Variants in CFAP299 observed in about 807,000 individuals in gnomAD.
The protein encoded by CFAP299 is cilia and flagella associated protein 299.
In CFAP299, 21 loss-of-function variants were observed where a neutral mutation model predicts 27.0. The ratio of observed to expected loss-of-function variants is 0.78; its 90% CI spans 0.55 to 1.12. The LOEUF is 1.12. Ranked by LOEUF, CFAP299 falls within the 50% of genes most tolerant of loss-of-function variation. CFAP299 has a pLI of 0.00. For missense variants in CFAP299, 310 were observed against 276.6 expected (o/e 1.12, Z -0.86); for synonymous variants, 104 against 98.1 (o/e 1.06, Z -0.36).
intron 2 of CFAP299, among the ~76,000 whole-genome samples, chr4:80,547,894 T>G (rs1442703411): frequency 6.6e-6 from 1 of 152,130 alleles, no homozygotes; most frequent in Non-Finnish European, 1.5e-5. Flanking sequence ...GGCAAGGTTG[T>G]GAAGAAAAGG....
chr4:80,516,266 C>G (rs1732585101), intron 2 of CFAP299, among the ~76,000 whole-genome samples: 1 of 152,034 alleles, frequency 6.6e-6, no homozygotes, highest in Non-Finnish European at 1.5e-5. Flanking sequence ...GGTAATCCTC[C>G]CACCTCAACC....
intron 3 of CFAP299, among the ~76,000 whole-genome samples, chr4:80,653,454 C>CA (rs1250731997): frequency 6.6e-6 from 1 of 151,964 alleles, no homozygotes; most frequent in Non-Finnish European, 1.5e-5. Context: ...GTCATCTACT[C>CA]AAATATGCTT....
At chr4:80,603,476 C>T (rs10033938) in intron 3 of CFAP299, among the ~76,000 whole-genome samples, 141,460 of 152,234 alleles carry the variant, frequency 0.93, 65,790 homozygotes, top group East Asian at 1. Context: ...ATAGCTATCG[C>T]TGAGTGCTGA....
chr4:80,389,539 G>A (rs897616596), intron 2 of CFAP299, among the ~76,000 whole-genome samples: 2 of 152,138 alleles, frequency 1.3e-5, no homozygotes, highest in African/African-American at 4.8e-5. Flanking sequence ...TATTTGAGGA[G>A]TAAATTAAAA....
chr4:80,420,625 C>A (rs1727245992), intron 2 of CFAP299, among the ~76,000 whole-genome samples: 1 of 151,920 alleles, frequency 6.6e-6, no homozygotes, highest in South Asian at 2.1e-4. Context: ...TATTTGTTTT[C>A]TTTTTATGGA....
chr4:80,611,145 A>G (rs1441402501), intron 3 of CFAP299, among the ~76,000 whole-genome samples: 2 of 152,152 alleles, frequency 1.3e-5, no homozygotes, highest in Non-Finnish European at 2.9e-5. Context: ...CCTTTCAAGT[A>G]GGGGTGAAAT....
intron 2 of CFAP299, among the ~76,000 whole-genome samples, chr4:80,517,902 C>T (rs1187596710): frequency 1.3e-5 from 2 of 152,238 alleles, no homozygotes; most frequent in Non-Finnish European, 2.9e-5. Context: ...CAGGTAGGCT[C>T]TTTGATAGGA....
At chr4:80,473,202 G>A (rs1259705370) in intron 2 of CFAP299, among the ~76,000 whole-genome samples, 7 of 152,236 alleles carry the variant, frequency 4.6e-5, no homozygotes, top group African/African-American at 1.7e-4. Flanking sequence ...AGGAAAGCCT[G>A]CATAGAGGGG....
chr4:80,756,413 G>A (rs1560735673), intron 3 of CFAP299, among the ~76,000 whole-genome samples: 1 of 152,026 alleles, frequency 6.6e-6, no homozygotes, highest in Non-Finnish European at 1.5e-5. Context: ...AATGAAATCA[G>A]TTGACAGACT....
chr4:80,881,074 G>A (rs1295452163), intron 4 of CFAP299, among the ~76,000 whole-genome samples: 2 of 152,202 alleles, frequency 1.3e-5, no homozygotes, highest in Non-Finnish European at 2.9e-5. Flanking sequence ...ATAAGGAAAA[G>A]GCACAGAACT....
At chr4:80,747,136 T>A (rs1724659113) in intron 3 of CFAP299, among the ~76,000 whole-genome samples, 2 of 152,096 alleles carry the variant, frequency 1.3e-5, no homozygotes, top group African/African-American at 4.8e-5. Flanking sequence ...GAGACATTTT[T>A]AAATTTATTG....
At chr4:80,724,471 A>G (rs1456118398) in intron 3 of CFAP299, among the ~76,000 whole-genome samples, 1 of 152,134 alleles carries the variant, frequency 6.6e-6, no homozygotes, top group Non-Finnish European at 1.5e-5. Context: ...TAAATGCACT[A>G]ATTTGGAGCC....
At chr4:80,426,014 G>A (rs986915493) in intron 2 of CFAP299, among the ~76,000 whole-genome samples, 1 of 152,074 alleles carries the variant, frequency 6.6e-6, no homozygotes, top group African/African-American at 2.4e-5. Flanking sequence ...ACAAAAGAAA[G>A]GGATCATTTA....
In CFAP299 at chr4:80,409,157, C is replaced by A. The variant is rs139151652; in HGVS notation, c.242+46273C>A. On this transcript the variant is annotated intron_variant, in intron 2 of 5. Transcript: ENST00000358105. ...GAATTTGTACATTGTTAGGTATTTT[C>A]ATGAAGGTAAACAGAGAAAGAAAAA... Among the ~76,000 whole-genome samples the A allele has an allele frequency of 5.8e-3, 884 of 151,726 alleles. 10 individuals carry two copies. Among genetic ancestry groups the A allele is most frequent in the African/African-American group, 0.02 (839 of 41,372 alleles).
At chr4:80,362,467 A>G (rs1723596790) in intron 1 of CFAP299, among the ~76,000 whole-genome samples, 1 of 152,080 alleles carries the variant, frequency 6.6e-6, no homozygotes, top group Admixed American at 6.5e-5. Context: ...GATTAAAAAC[A>G]CAACAGACTT....
intron 3 of CFAP299, among the ~76,000 whole-genome samples, chr4:80,735,460 A>G (rs1401181748): frequency 6.6e-6 from 1 of 152,084 alleles, no homozygotes; most frequent in Non-Finnish European, 1.5e-5. Context: ...TCTAGCTAGA[A>G]CTTCCAGTAC....
At chr4:80,869,941 A>G (rs1732981331) in intron 3 of CFAP299, 52 bp from the exon 4 acceptor site, 7 of 1,528,002 alleles carry the variant, frequency 4.6e-6, no homozygotes, top group Non-Finnish European at 6.2e-6. Context: ...GGCATTCCAT[A>G]ATAAATCAGC....
chr4:80,624,494 G>A (rs1440837137), intron 3 of CFAP299, among the ~76,000 whole-genome samples: 1 of 151,574 alleles, frequency 6.6e-6, no homozygotes, highest in Non-Finnish European at 1.5e-5. Context: ...AGATTTATGG[G>A]GCAGCAACAA....
intron 2 of CFAP299, among the ~76,000 whole-genome samples, chr4:80,445,980 C>G (rs1423717642): frequency 6.6e-6 from 1 of 152,140 alleles, no homozygotes; most frequent in African/African-American, 2.4e-5. Context: ...TTCTTTCACT[C>G]CGCCTGAAAG....
Sources: allele counts gnomAD v4.1 joint callset (sites outside exome capture counted in the v4.1 genomes callset), GRCh38; gene constraint gnomAD v4.1.1; transcripts MANE v1.5; gene names NCBI Gene and HGNC (gene_info 2026-07-23, HGNC 2026-07-21).